The following SPATA13 variants were observed in gnomAD, a reference collection of about 807,000 sequenced individuals.
The protein encoded by SPATA13 is spermatogenesis-associated protein 13.
SPATA13 carries 50 observed loss-of-function variants against 104.0 expected under a neutral mutation model. The observed-to-expected ratio is 0.48, with a 90% confidence interval of 0.38 to 0.61. SPATA13 has a LOEUF of 0.61. Ranked by LOEUF, SPATA13 falls within the 20% of genes least tolerant of loss-of-function variation. The pLI is 0.00. For synonymous variants in SPATA13, 606 were observed against 667.5 expected (o/e 0.91, Z 1.42); for missense variants, 1,524 against 1,690.6 (o/e 0.90, Z 1.73).
chr13:24,096,804 G>C (rs1880100534), intron 3 of SPATA13, among the ~76,000 whole-genome samples: 1 of 152,180 alleles, frequency 6.6e-6, no homozygotes, highest in Non-Finnish European at 1.5e-5. Context: ...GCCTGGGTAG[G>C]AAGTGGAGGT....
At chr13:23,992,807 A>G (rs1875477336) in intron 2 of SPATA13, among the ~76,000 whole-genome samples, 1 of 152,180 alleles carries the variant, frequency 6.6e-6, no homozygotes. Context: ...TTGGCTCCAC[A>G]ATGCTGGGAA....
chr13:24,288,941 C>G (rs1876143634), intron 7 of SPATA13, 58 bp from the exon 8 acceptor site: 2 of 1,468,108 alleles, frequency 1.4e-6, no homozygotes, highest in Non-Finnish European at 1.8e-6. Flanking sequence ...AAAAGCTGTA[C>G]TATTCAAATA....
At chr13:24,283,502 C>T (rs1441920871) in intron 4 of SPATA13, among the ~76,000 whole-genome samples, 1 of 152,218 alleles carries the variant, frequency 6.6e-6, no homozygotes, top group East Asian at 1.9e-4. Context: ...AAGGGTGGCT[C>T]ATTTTCCCAA....
rs1466236989 is a variant in SPATA13, at chr13:24,202,543, T to A, written c.-111-20276T>A. On this transcript the variant is annotated intron_variant, in intron 1 of 12. Transcript: ENST00000382108. ...CCCTTTTTTTTTTTTTTTTTTTTTT[T>A]AGCTTCACTTGTACTTTAAGGTACA... Among the ~76,000 whole-genome samples, 414 of 92,624 alleles carry A rather than the reference T, an allele frequency of 4.5e-3. 1 individual carries two copies. Among genetic ancestry groups the A allele is most frequent in the Non-Finnish European group, 8.1e-3 (358 of 44,428 alleles). 60.8% of individuals were successfully genotyped at this position (92,624 alleles called of 152,430 possible). A position where few individuals can be genotyped will look rare whatever the true frequency, so the allele number is the denominator to read the frequency against.
chr13:24,108,988 G>T (rs1264266229), intron 3 of SPATA13, among the ~76,000 whole-genome samples: 1 of 151,774 alleles, frequency 6.6e-6, no homozygotes, highest in Admixed American at 6.6e-5. Flanking sequence ...TATACTTTAA[G>T]TTCTAGGGTA....
At chr13:24,135,554 C>T (rs557616476) in intron 3 of SPATA13, among the ~76,000 whole-genome samples, 10 of 151,946 alleles carry the variant, frequency 6.6e-5, no homozygotes, top group South Asian at 2.1e-4. Context: ...AAAAATTAGC[C>T]GGGCATGGTG....
intron 3 of SPATA13, among the ~76,000 whole-genome samples, chr13:24,110,606 A>C (rs532233361): frequency 1.6e-4 from 25 of 152,288 alleles, no homozygotes; most frequent in African/African-American, 6.0e-4. Flanking sequence ...TTATTCATTC[A>C]TCAAACCTTG....
intron 4 of SPATA13, among the ~76,000 whole-genome samples, chr13:24,253,898 A>G (rs1593465262): frequency 6.6e-6 from 1 of 152,052 alleles, no homozygotes; most frequent in Non-Finnish European, 1.5e-5. Context: ...GCAGGCTGGG[A>G]GGTGGGCTGA....
chr13:24,259,460 G>C (rs1873954851), intron 4 of SPATA13, among the ~76,000 whole-genome samples: 1 of 152,202 alleles, frequency 6.6e-6, no homozygotes, highest in South Asian at 2.1e-4. Context: ...TTTCCAGTGA[G>C]TTTAAGGCTC....
At chr13:24,084,537 T>A in intron 3 of SPATA13, among the ~76,000 whole-genome samples, 1 of 11,308 alleles carries the variant, frequency 8.8e-5, no homozygotes, top group Non-Finnish European at 1.6e-3. Context: ...GCTTTCTGGT[T>A]TTTCTTAAAA....
intron 3 of SPATA13, among the ~76,000 whole-genome samples, chr13:24,126,759 G>A (rs1881232160): frequency 6.6e-6 from 1 of 152,022 alleles, no homozygotes; most frequent in South Asian, 2.1e-4. Context: ...GTCTCACTAT[G>A]TTGCCCAGGC....
chr13:24,081,260 G>A (rs1398136215), intron 3 of SPATA13, among the ~76,000 whole-genome samples: 6 of 152,190 alleles, frequency 3.9e-5, no homozygotes, highest in Admixed American at 1.3e-4. Flanking sequence ...GGGACAAAAA[G>A]TGAAGAGTTG....
At chr13:24,216,061 G>A (rs1281716276) in intron 1 of SPATA13, among the ~76,000 whole-genome samples, 1 of 152,208 alleles carries the variant, frequency 6.6e-6, no homozygotes, top group Non-Finnish European at 1.5e-5. Flanking sequence ...GGCTGTGACT[G>A]GCAACAGCTC....
chr13:24,124,338 T>C (rs1174439423), intron 3 of SPATA13, among the ~76,000 whole-genome samples: 1 of 152,228 alleles, frequency 6.6e-6, no homozygotes, highest in Non-Finnish European at 1.5e-5. Context: ...CACTTCTTTC[T>C]CTTAAGTTAC....
chr13:24,303,209 G>A lies in SPATA13; in HGVS notation c.*436G>A, dbSNP rs2138784252. Reference sequence around the variant, plus strand: ...ATTTGATTTTCAAGGATGCCGTCAAGACGGGGTTGACACAATGCTGCACGT... The same window carrying A: ...ATTTGATTTTCAAGGATGCCGTCAAAACGGGGTTGACACAATGCTGCACGT... On this transcript the variant is annotated 3_prime_UTR_variant, in exon 13 of 13. Transcript: ENST00000382108. 1 of 415,898 alleles carries A rather than the reference G, an allele frequency of 2.4e-6. No individual in the cohort carries two copies. The highest frequency in any genetic ancestry group is 1.8e-5 in the South Asian group (1 of 56,816). The allele number at this position is 415,898 out of a possible 1,614,324, so 25.8% of individuals were successfully genotyped here. A position where few individuals can be genotyped will look rare whatever the true frequency, so the allele number is the denominator to read the frequency against.
intron 3 of SPATA13, among the ~76,000 whole-genome samples, chr13:24,086,375 G>A (rs4770575): frequency 0.72 from 110,159 of 151,980 alleles, 40,093 homozygotes; most frequent in East Asian, 0.9. Flanking sequence ...GTGATCGCAG[G>A]GTCCTCTTAG....
intron 4 of SPATA13, among the ~76,000 whole-genome samples, chr13:24,264,005 C>A (rs1156745706): frequency 6.6e-6 from 1 of 152,208 alleles, no homozygotes; most frequent in African/African-American, 2.4e-5. Context: ...ATATTGTCTG[C>A]AAGTCTTGGA....
At chr13:24,046,346 GCA>G in intron 3 of SPATA13, among the ~76,000 whole-genome samples, 1 of 149,284 alleles carries the variant, frequency 6.7e-6, no homozygotes, top group Non-Finnish European at 1.5e-5. Context: ...AGGCTGGAGT[GCA>G]GTGGTGTGAT....
intron 2 of SPATA13, among the ~76,000 whole-genome samples, chr13:23,995,982 A>G (rs895678102): frequency 1.3e-5 from 2 of 152,224 alleles, no homozygotes; most frequent in African/African-American, 4.8e-5. Flanking sequence ...ACAACCGAGC[A>G]GATAGATATG....
Sources: gnomAD v4.1 joint callset for allele counts (sites outside exome capture counted in the v4.1 genomes callset) on GRCh38, gnomAD v4.1.1 for gene constraint, MANE v1.5 for transcripts, NCBI Gene and HGNC (gene_info 2026-07-23, HGNC 2026-07-21) for gene names.